Variants in PARD6G observed in about 807,000 individuals in gnomAD.
The protein encoded by PARD6G is partitioning defective 6 homolog gamma.
A neutral mutation model predicts 10.7 loss-of-function variants in PARD6G; 7 were observed. The ratio of observed to expected loss-of-function variants is 0.66; its 90% confidence interval spans 0.37 to 1.23. PARD6G has a LOEUF of 1.23. PARD6G is among the 50% of genes most tolerant of loss of function. PARD6G has a pLI of 0.02. For synonymous variants in PARD6G, 287 were observed against 269.4 expected, an observed-to-expected ratio of 1.07 and a Z score of -0.64; for missense variants, 548 against 571.8, an observed-to-expected ratio of 0.96 and a Z score of 0.42.
At chr18:80,233,540 C>T (rs997590376) in intron 1 of PARD6G, among the ~76,000 whole-genome samples, 1 of 152,200 alleles carries the variant, frequency 6.6e-6, no homozygotes, top group East Asian at 1.9e-4. Context: ...ACCAGCAAGG[C>T]ATGAGGTCAG....
At chr18:80,244,162 T>A (rs1967518179) in intron 1 of PARD6G, among the ~76,000 whole-genome samples, 1 of 152,068 alleles carries the variant, frequency 6.6e-6, no homozygotes, top group African/African-American at 2.4e-5. Flanking sequence ...GGACTCTTGC[T>A]CTCCTCCACG....
At chr18:80,185,686 ACACCCTCACACACATGCACCCACACATG>A (rs1437537242) in intron 2 of PARD6G, among the ~76,000 whole-genome samples, 2 of 147,002 alleles carry the variant, frequency 1.4e-5, no homozygotes, top group Non-Finnish European at 3.0e-5. Flanking sequence ...ACACATGCAT[ACACCCTCACACACATGCACCCACACATG>A]CACCCTCACA....
chr18:80,163,777 AAAGC>A (rs2052717124), intron 2 of PARD6G, among the ~76,000 whole-genome samples: 1 of 152,180 alleles, frequency 6.6e-6, no homozygotes, highest in Non-Finnish European at 1.5e-5. Flanking sequence ...TGCACCAATA[AAAGC>A]AAGTGTGTGG....
In PARD6G at chr18:80,188,405, A is replaced by T. The variant is rs963829463; in HGVS notation, c.295+14305T>A. 1.3e-5 allele frequency among the ~76,000 whole-genome samples: 2 copies of T among 152,134 alleles called. No individual in the cohort carries two copies. Among genetic ancestry groups the T allele is most frequent in the African/African-American group, 4.8e-5 (2 of 41,430 alleles). On this transcript the variant is annotated intron_variant, in intron 2 of 2. Transcript: ENST00000353265. This position sits in a 1 kb window ranked among gnomAD's most constrained non-coding sequence, Gnocchi z 5.4. ...AAGAATACTTTCTTGAGGAGCACAG[A>T]TGCAGTTCCAAGGACCTAGGCACCT...
intron 1 of PARD6G, among the ~76,000 whole-genome samples, chr18:80,229,560 C>T (rs1051043255): frequency 2.0e-5 from 3 of 152,204 alleles, no homozygotes; most frequent in African/African-American, 7.2e-5. Flanking sequence ...AAATGCTCTA[C>T]ACCAGACCCG....
chr18:80,167,268 C>T (rs547776774), intron 2 of PARD6G, among the ~76,000 whole-genome samples: 1,621 of 149,138 alleles, frequency 0.011, 30 homozygotes, highest in Middle Eastern at 0.034. Flanking sequence ...TGCGTGTGGA[C>T]GTGTTGCAGG....
intron 2 of PARD6G, among the ~76,000 whole-genome samples, chr18:80,199,508 T>C (rs1033827843): frequency 6.6e-6 from 1 of 152,236 alleles, no homozygotes; most frequent in Non-Finnish European, 1.5e-5. Flanking sequence ...GTACTTTTTG[T>C]GTGGGTGCAT....
chr18:80,183,220 G>T lies in PARD6G; in HGVS notation c.295+19490C>A. The T allele has an allele frequency of 1.4e-6, 1 of 702,406 alleles. No individual in the cohort carries two copies. The highest frequency in any genetic ancestry group is 2.6e-6 in the Non-Finnish European group (1 of 384,680). 43.5% of individuals were successfully genotyped at this position (702,406 alleles called of 1,614,324 possible). A position where few individuals can be genotyped will look rare whatever the true frequency, so the allele number is the denominator to read the frequency against. ...AGGGTGGGAGAGAGAAAGCCAGAGA[G>T]ACTTCTGCAAAACAAGCTGCAGATA... is the stretch of plus-strand genomic sequence containing the variant. On this transcript the variant is annotated intron_variant, in intron 2 of 2. Coordinates refer to ENST00000353265, the MANE Select transcript of PARD6G (RefSeq NM_032510.4). The surrounding 1 kb of genome is among the most constrained non-coding windows in gnomAD (Gnocchi z 4.5).
In PARD6G at chr18:80,214,577, C is replaced by G. The variant is rs140138422; in HGVS notation, c.73-11645G>C. Among the ~76,000 whole-genome samples the G allele has an allele frequency of 3.1e-4, 47 of 152,024 alleles. 1 individual carries two copies. The East Asian group carries it at 8.5e-3, about 27-fold the overall frequency. On this transcript the variant is annotated intron_variant, in intron 1 of 2. Transcript: ENST00000353265. ...AGTTGAAAATTACAAAACCGAAATA[C>G]AAAATTCAGTAGAGGCACTCAACAG...
At chr18:80,165,596 T>C (rs1206752135) in intron 2 of PARD6G, among the ~76,000 whole-genome samples, 1 of 152,194 alleles carries the variant, frequency 6.6e-6, no homozygotes, top group Non-Finnish European at 1.5e-5. Flanking sequence ...AAAGTATTAT[T>C]TGGGAACTGA....
intron 2 of PARD6G, chr18:80,169,435 C>G (rs2052759855): frequency 6.6e-6 from 1 of 152,382 alleles, no homozygotes; most frequent in African/African-American, 2.4e-5. Flanking sequence ...TGCGGGGAAC[C>G]CTCTGCCTCA....
At chr18:80,224,433 C>T (rs948316196) in intron 1 of PARD6G, among the ~76,000 whole-genome samples, 3 of 152,194 alleles carry the variant, frequency 2.0e-5, no homozygotes, top group Non-Finnish European at 4.4e-5. Flanking sequence ...TCTGGACAAA[C>T]CTCCTCATCA....
chr18:80,177,900 T>C (rs1044837159), intron 2 of PARD6G, among the ~76,000 whole-genome samples: 5 of 148,488 alleles, frequency 3.4e-5, no homozygotes, highest in African/African-American at 1.0e-4. Context: ...ATGAAATAAA[T>C]CGCAGTCCAA....
chr18:80,228,961 C>T lies in PARD6G; in HGVS notation c.72+18316G>A, dbSNP rs1183806828. Among the ~76,000 whole-genome samples the T allele has an allele frequency of 1.3e-5, 2 of 152,242 alleles. No individual in the cohort carries two copies. The highest frequency in any genetic ancestry group is 1.9e-4 in the East Asian group (1 of 5,180). ...GTGGGACTTATTTTATTTTAGAAGA[C>T]GGAGTCTCACTCTGTCGCCCAGGCT... On this transcript the variant is annotated intron_variant, in intron 1 of 2. Transcript: ENST00000353265. The surrounding 1 kb of genome is among the most constrained non-coding windows in gnomAD (Gnocchi z 4.6).
chr18:80,208,351 A>C (rs1356714950), intron 1 of PARD6G, among the ~76,000 whole-genome samples: 4 of 152,192 alleles, frequency 2.6e-5, no homozygotes, highest in Non-Finnish European at 5.9e-5. Context: ...AGACCACAAC[A>C]TCAGAGTTCA....
chr18:80,225,549 C>T (rs544353476), intron 1 of PARD6G, among the ~76,000 whole-genome samples: 1 of 152,312 alleles, frequency 6.6e-6, no homozygotes, highest in South Asian at 2.1e-4. Context: ...TCCCTCCCAG[C>T]TCACCTCCCC....
chr18:80,210,034 G>A (rs1001347463), intron 1 of PARD6G, among the ~76,000 whole-genome samples: 9 of 152,096 alleles, frequency 5.9e-5, no homozygotes, highest in African/African-American at 2.2e-4. Flanking sequence ...GATAGAGCTC[G>A]AGAAGTGCTT....
intron 1 of PARD6G, among the ~76,000 whole-genome samples, chr18:80,219,208 G>GTTTT (rs57284567): frequency 2.0e-5 from 3 of 151,718 alleles, no homozygotes; most frequent in Admixed American, 2.0e-4. Context: ...AATAGGGTTT[G>GTTTT]TTTGTTTGTT....
At chr18:80,239,723 T>C (rs12326494) in intron 1 of PARD6G, among the ~76,000 whole-genome samples, 32,151 of 152,230 alleles carry the variant, frequency 0.21, 4,932 homozygotes, top group African/African-American at 0.44. Flanking sequence ...ACCTCACCTT[T>C]TCCCCTCAGC....
Sources: allele counts gnomAD v4.1 joint callset (sites outside exome capture counted in the v4.1 genomes callset), GRCh38; gene constraint gnomAD v4.1.1; non-coding constraint Gnocchi (gnomAD v3.1); transcripts MANE v1.5; gene names NCBI Gene and HGNC (gene_info 2026-07-23, HGNC 2026-07-21).